Variants in DLG2 observed in about 807,000 individuals in gnomAD.
DLG2 encodes disks large homolog 2.
Under a neutral mutation model 132.5 loss-of-function variants are expected in DLG2, and 45 were observed. The ratio of observed to expected loss-of-function variants is 0.34; its 90% CI spans 0.27 to 0.44. The LOEUF (loss-of-function observed/expected upper bound fraction) is 0.44, where lower values mean the gene tolerates loss of function less well. DLG2 is among the 20% of genes least tolerant of loss of function. The pLI, the probability that DLG2 is intolerant of heterozygous loss-of-function variation, is 1.00. For missense variants in DLG2, 1,045 were observed against 1,196.9 expected (o/e 0.87, Z 1.87); for synonymous variants, 424 against 419.6 (o/e 1.01, Z -0.13).
intron 6 of DLG2, chr11:84,997,352 C>G (rs2057753731): frequency 6.6e-6 from 1 of 152,124 alleles, no homozygotes; most frequent in Admixed American, 6.6e-5. Flanking sequence ...AAGTGCCAAC[C>G]TGGATTGTTA....
intron 15 of DLG2, among the ~76,000 whole-genome samples, chr11:83,921,982 G>C (rs2078022285): frequency 6.6e-6 from 1 of 152,074 alleles, no homozygotes; most frequent in Non-Finnish European, 1.5e-5. Flanking sequence ...CAAGGTATTT[G>C]ACCCTCATGA....
At chr11:84,545,989 CA>C (rs1339728006) in intron 6 of DLG2, among the ~76,000 whole-genome samples, 1 of 152,134 alleles carries the variant, frequency 6.6e-6, no homozygotes, top group Non-Finnish European at 1.5e-5. Flanking sequence ...CTTCTGATCT[CA>C]AGTGATCCAT....
intron 8 of DLG2, among the ~76,000 whole-genome samples, chr11:84,176,888 T>C (rs67931919): frequency 5.7e-5 from 4 of 70,672 alleles, no homozygotes; most frequent in Admixed American, 1.5e-4. Flanking sequence ...TCTTTTCTTT[T>C]CTTTCCTTTC....
intron 6 of DLG2, among the ~76,000 whole-genome samples, chr11:84,566,855 C>T (rs1325739875): frequency 6.6e-6 from 1 of 152,142 alleles, no homozygotes; most frequent in Non-Finnish European, 1.5e-5. Context: ...GCAGTCCTTT[C>T]TCGAGTCTGC....
At chr11:83,600,956 G>A (rs1015452183) in intron 19 of DLG2, among the ~76,000 whole-genome samples, 5 of 152,194 alleles carry the variant, frequency 3.3e-5, no homozygotes, top group African/African-American at 1.2e-4. Flanking sequence ...ATTGAGGGAA[G>A]CATTGCCTAT....
chr11:85,527,556 A>G (rs1032056044), intron 3 of DLG2, among the ~76,000 whole-genome samples: 1 of 152,136 alleles, frequency 6.6e-6, no homozygotes, highest in Non-Finnish European at 1.5e-5. Flanking sequence ...ATAGTATTCC[A>G]TAGTATGTAT....
intron 3 of DLG2, among the ~76,000 whole-genome samples, chr11:85,549,662 A>G (rs1162227508): frequency 6.6e-6 from 1 of 152,238 alleles, no homozygotes; most frequent in Admixed American, 6.5e-5. Flanking sequence ...GAGATAGGTC[A>G]GCACAAGATA....
intron 7 of DLG2, among the ~76,000 whole-genome samples, chr11:84,354,283 A>G (rs541261796): frequency 1.3e-5 from 2 of 152,300 alleles, no homozygotes; most frequent in Admixed American, 1.3e-4. Context: ...ATAAGTATTG[A>G]GTAGACATTT....
chr11:84,200,687 G>A (rs571775863), intron 8 of DLG2, among the ~76,000 whole-genome samples: 3 of 152,138 alleles, frequency 2.0e-5, no homozygotes, highest in East Asian at 3.9e-4. Flanking sequence ...GTATTCCTAG[G>A]TATTTTATTC....
At chr11:84,807,574 G>A (rs934648891) in intron 6 of DLG2, among the ~76,000 whole-genome samples, 4 of 152,048 alleles carry the variant, frequency 2.6e-5, no homozygotes, top group Admixed American at 1.3e-4. Context: ...ATCAGAATGG[G>A]TTAAAAAAAA....
At chr11:84,912,280 C>A (rs141046971) in intron 6 of DLG2, among the ~76,000 whole-genome samples, 2 of 152,164 alleles carry the variant, frequency 1.3e-5, no homozygotes, top group African/African-American at 4.8e-5. Context: ...CTCAGCCTCC[C>A]GAGTAGGTGA....
chr11:84,172,201 A>G (rs2095840641), intron 8 of DLG2, among the ~76,000 whole-genome samples: 1 of 152,222 alleles, frequency 6.6e-6, no homozygotes, highest in African/African-American at 2.4e-5. Flanking sequence ...ACATCTGGTT[A>G]TTTTATGAAT....
chr11:84,218,625 G>C (rs1204569236), intron 8 of DLG2, among the ~76,000 whole-genome samples: 1 of 152,178 alleles, frequency 6.6e-6, no homozygotes, highest in East Asian at 1.9e-4. Flanking sequence ...AAGTTTGGCA[G>C]ACCCTTAAAA....
At chr11:84,424,252 G>T (rs2098959564) in intron 7 of DLG2, among the ~76,000 whole-genome samples, 1 of 152,048 alleles carries the variant, frequency 6.6e-6, no homozygotes, top group Non-Finnish European at 1.5e-5. Context: ...TGCTATATTA[G>T]GGCAGAAATG....
chr11:84,194,273 C>A (rs554012820), intron 8 of DLG2, among the ~76,000 whole-genome samples: 2 of 152,124 alleles, frequency 1.3e-5, no homozygotes, highest in African/African-American at 2.4e-5. Context: ...TGGACCCTTG[C>A]GGTCAGTGTT....
intron 18 of DLG2, among the ~76,000 whole-genome samples, chr11:83,643,980 T>C (rs987563714): frequency 1.3e-5 from 2 of 152,164 alleles, no homozygotes; most frequent in Admixed American, 6.6e-5. Flanking sequence ...AGCCAATTTC[T>C]GATATGACTA....
At chr11:83,823,636 G>T (rs929412996) in intron 17 of DLG2, among the ~76,000 whole-genome samples, 1 of 150,788 alleles carries the variant, frequency 6.6e-6, no homozygotes, top group Admixed American at 6.6e-5. Context: ...AGAGAAGTGG[G>T]CAAAGATGAG....
intron 19 of DLG2, among the ~76,000 whole-genome samples, chr11:83,612,551 A>G (rs889635583): frequency 2.0e-5 from 3 of 152,182 alleles, no homozygotes; most frequent in Non-Finnish European, 4.4e-5. Context: ...TATGAGAAAC[A>G]TACTCCTCAC....
At chr11:83,537,776 C>T (rs547928108) in intron 20 of DLG2, among the ~76,000 whole-genome samples, 10 of 124,280 alleles carry the variant, frequency 8.0e-5, no homozygotes, top group Admixed American at 2.9e-4. Flanking sequence ...GATTGTACTC[C>T]GGCCTAGGCA....
Sources: gnomAD v4.1 joint callset for allele counts (sites outside exome capture counted in the v4.1 genomes callset) on GRCh38, gnomAD v4.1.1 for gene constraint, MANE v1.5 for transcripts, NCBI Gene and HGNC (gene_info 2026-07-23, HGNC 2026-07-21) for gene names.